SCHIP1: variants seen among roughly 807,000 people sequenced by gnomAD.
SCHIP1 encodes schwannomin interacting protein 1.
SCHIP1 carries 8 observed loss-of-function variants against 29.7 expected under a neutral mutation model. The ratio of observed to expected loss-of-function variants is 0.27; its 90% CI spans 0.16 to 0.49. The LOEUF is 0.49. Among genes scored for constraint, SCHIP1 ranks in the 20% least tolerant of loss-of-function variants. The pLI is 0.99. For synonymous variants in SCHIP1, 76 were observed against 94.9 expected (o/e 0.80, Z 1.16); for missense variants, 193 against 294.6 (o/e 0.66, Z 2.52).
chr3:159,776,086 G>A, the SCHIP1 span, among the ~76,000 whole-genome samples: 2 of 152,008 alleles, frequency 1.3e-5, no homozygotes, highest in Admixed American at 6.6e-5. Flanking sequence ...TAGGAAACTG[G>A]TACAGTATCA....
At chr3:159,599,071 C>T in the SCHIP1 span, among the ~76,000 whole-genome samples, 1 of 151,982 alleles carries the variant, frequency 6.6e-6, no homozygotes, top group Non-Finnish European at 1.5e-5. Context: ...AATATCTTAT[C>T]CTATTCCTTT....
the SCHIP1 span, among the ~76,000 whole-genome samples, chr3:159,531,516 T>A: frequency 1.3e-5 from 2 of 152,212 alleles, no homozygotes; most frequent in Non-Finnish European, 2.9e-5. Context: ...ATAGCTTACA[T>A]ACAAAAGACC....
chr3:159,346,625 G>A, the SCHIP1 span, among the ~76,000 whole-genome samples: 1 of 152,174 alleles, frequency 6.6e-6, no homozygotes, highest in African/African-American at 2.4e-5. Flanking sequence ...GATTCATTTT[G>A]GATTAGCCTG....
At chr3:159,291,407 A>G in the SCHIP1 span, among the ~76,000 whole-genome samples, 13 of 152,170 alleles carry the variant, frequency 8.5e-5, no homozygotes, top group African/African-American at 2.4e-4. Context: ...TGGGAAACCA[A>G]ATAAACCTAG....
chr3:159,863,454 GT>G (rs890904142), intron 1 of SCHIP1, among the ~76,000 whole-genome samples: 2 of 151,768 alleles, frequency 1.3e-5, no homozygotes, highest in Admixed American at 1.3e-4. Flanking sequence ...TAAAGATTGT[GT>G]TTTTTTTCCT....
chr3:159,798,700 G>T, the SCHIP1 span, among the ~76,000 whole-genome samples: 1 of 152,170 alleles, frequency 6.6e-6, no homozygotes, highest in East Asian at 1.9e-4. Context: ...GGAGGTTGCA[G>T]TGAGCCGATA....
chr3:159,322,214 C>A, the SCHIP1 span, among the ~76,000 whole-genome samples: 2 of 152,064 alleles, frequency 1.3e-5, no homozygotes, highest in Non-Finnish European at 2.9e-5. Context: ...GAGCATCCAC[C>A]GTGTGGAAGA....
At chr3:159,489,947 A>T in the SCHIP1 span, among the ~76,000 whole-genome samples, 1 of 152,040 alleles carries the variant, frequency 6.6e-6, no homozygotes, top group Non-Finnish European at 1.5e-5. Context: ...ATACACACCA[A>T]ATTATCAGCT....
chr3:159,565,612 G>A, the SCHIP1 span, among the ~76,000 whole-genome samples: 1 of 152,168 alleles, frequency 6.6e-6, no homozygotes, highest in East Asian at 1.9e-4. Flanking sequence ...TTACACTAAG[G>A]AAACTTCTTT....
At chr3:159,471,983 G>A in the SCHIP1 span, among the ~76,000 whole-genome samples, 1 of 151,922 alleles carries the variant, frequency 6.6e-6, no homozygotes, top group East Asian at 1.9e-4. Flanking sequence ...TCCCTTCTCT[G>A]GTCATTTTTT....
the SCHIP1 span, among the ~76,000 whole-genome samples, chr3:159,639,153 G>A: frequency 1.3e-5 from 2 of 152,120 alleles, no homozygotes; most frequent in African/African-American, 4.8e-5. Context: ...TGAAAGAGGT[G>A]AATGAAGGCC....
the SCHIP1 span, among the ~76,000 whole-genome samples, chr3:159,288,517 C>T: frequency 7.9e-5 from 12 of 152,084 alleles, no homozygotes; most frequent in African/African-American, 2.9e-4. Flanking sequence ...GCGGGCGGAT[C>T]ATCTGAGGTT....
the SCHIP1 span, among the ~76,000 whole-genome samples, chr3:159,432,238 G>T: frequency 6.6e-6 from 1 of 150,438 alleles, no homozygotes; most frequent in Non-Finnish European, 1.5e-5. Flanking sequence ...CTATAGGGCT[G>T]CTTGAGAGCC....
chr3:159,784,699 G>C, the SCHIP1 span, among the ~76,000 whole-genome samples: 17 of 152,336 alleles, frequency 1.1e-4, no homozygotes, highest in East Asian at 1.9e-3. Context: ...TGACGCCCAG[G>C]CTGGAGTGCA....
rs148840379 is a variant in SCHIP1, at chr3:159,849,619, G to T, written c.30+9405G>T. On this transcript the variant is annotated intron_variant, in intron 1 of 6. Coordinates refer to ENST00000445224, the Ensembl canonical transcript of SCHIP1. ...TATGGTCTTTAGAGCTTTTCAAGCTGTAGTCTGCAGAGTGAGTGGGGTCTG... is the reference window on the plus strand; with the variant it reads ...TATGGTCTTTAGAGCTTTTCAAGCTTTAGTCTGCAGAGTGAGTGGGGTCTG... 1.8e-3 allele frequency among the ~76,000 whole-genome samples: 270 copies of T among 152,290 alleles called. 1 individual carries two copies. The highest frequency in any genetic ancestry group is 6.3e-3 in the African/African-American group (262 of 41,552).
At chr3:159,445,961 G>A in the SCHIP1 span, among the ~76,000 whole-genome samples, 1 of 151,698 alleles carries the variant, frequency 6.6e-6, no homozygotes, top group Non-Finnish European at 1.5e-5. Flanking sequence ...CACCAGCATG[G>A]CACATGTATA....
the SCHIP1 span, among the ~76,000 whole-genome samples, chr3:159,529,067 TATATAG>T: frequency 2.0e-5 from 3 of 152,002 alleles, no homozygotes; most frequent in South Asian, 2.1e-4. Flanking sequence ...TTAGATAATA[TATATAG>T]ATAATGTATA....
At chr3:159,531,710 A>G in the SCHIP1 span, among the ~76,000 whole-genome samples, 1 of 152,342 alleles carries the variant, frequency 6.6e-6, no homozygotes, top group Admixed American at 6.5e-5. Context: ...GCCTAAGAGC[A>G]AAGATTCAGA....
chr3:159,708,712 G>A, the SCHIP1 span, among the ~76,000 whole-genome samples: 1 of 152,170 alleles, frequency 6.6e-6, no homozygotes, highest in Non-Finnish European at 1.5e-5. Flanking sequence ...GGTGACGTAC[G>A]CAGGAACTAG....
Sources: gnomAD v4.1 joint callset for allele counts (sites outside exome capture counted in the v4.1 genomes callset) on GRCh38, gnomAD v4.1.1 for gene constraint, MANE v1.5 for transcripts, NCBI Gene and HGNC (gene_info 2026-07-23, HGNC 2026-07-21) for gene names.